The following CNTNAP4 variants were observed in gnomAD, a reference collection of about 807,000 sequenced individuals.
The protein encoded by CNTNAP4 is contactin-associated protein-like 4.
Under a neutral mutation model 148.4 loss-of-function variants are expected in CNTNAP4, and 98 were observed. The ratio of observed to expected loss-of-function variants is 0.66; its 90% CI spans 0.56 to 0.78. The LOEUF (loss-of-function observed/expected upper bound fraction) is 0.78. CNTNAP4 is among the 30% of genes least tolerant of loss of function. The pLI, the probability that CNTNAP4 is intolerant of heterozygous loss-of-function variation, is 0.00. For missense variants in CNTNAP4, 1,935 were observed against 1,565.6 expected (o/e 1.24, Z -3.98); for synonymous variants, 730 against 565.1 (o/e 1.29, Z -4.14).
chr16:76,498,104 G>A (rs1381567468), intron 14 of CNTNAP4, among the ~76,000 whole-genome samples: 1 of 152,052 alleles, frequency 6.6e-6, no homozygotes, highest in Admixed American at 6.5e-5. Context: ...ATGTCATTAT[G>A]TTTTGGCCAG....
intron 23 of CNTNAP4, among the ~76,000 whole-genome samples, chr16:76,555,187 A>C (rs2085142405): frequency 6.6e-6 from 1 of 152,090 alleles, no homozygotes; most frequent in Admixed American, 6.5e-5. Flanking sequence ...TATTGCTTTC[A>C]AGTAGTTAGG....
intron 10 of CNTNAP4, among the ~76,000 whole-genome samples, chr16:76,470,989 C>G (rs560612550): frequency 1.3e-5 from 2 of 152,226 alleles, no homozygotes; most frequent in East Asian, 1.9e-4. Context: ...TTAATCCTTA[C>G]TCATGCACAC....
intron 4 of CNTNAP4, among the ~76,000 whole-genome samples, chr16:76,440,128 G>C (rs969542486): frequency 6.6e-6 from 1 of 152,216 alleles, no homozygotes; most frequent in African/African-American, 2.4e-5. Context: ...ACTAAGAAGA[G>C]TTTGGTCTAT....
At chr16:76,454,814 T>A (rs1255360359) in intron 8 of CNTNAP4, among the ~76,000 whole-genome samples, 1 of 152,218 alleles carries the variant, frequency 6.6e-6, no homozygotes, top group African/African-American at 2.4e-5. Flanking sequence ...ATTGATGGAT[T>A]GCTATCACAT....
chr16:76,318,596 T>G (rs1317331084), intron 2 of CNTNAP4, among the ~76,000 whole-genome samples: 1 of 151,740 alleles, frequency 6.6e-6, no homozygotes. Context: ...GTTAATTACA[T>G]GAAGTTTTCA....
chr16:76,374,169 A>G (rs1400460046), intron 3 of CNTNAP4, among the ~76,000 whole-genome samples: 3 of 152,176 alleles, frequency 2.0e-5, no homozygotes, highest in African/African-American at 7.2e-5. Flanking sequence ...TTTTTCAGTA[A>G]GTGAGAGAGG....
intron 1 of CNTNAP4, among the ~76,000 whole-genome samples, chr16:76,315,698 G>A (rs1236037922): frequency 3.9e-5 from 6 of 152,016 alleles, no homozygotes; most frequent in African/African-American, 9.7e-5. Context: ...AGGTTAAAGC[G>A]ATTCTCCTGC....
chr16:76,421,377 A>C (rs1460381650), intron 3 of CNTNAP4, among the ~76,000 whole-genome samples: 11 of 152,186 alleles, frequency 7.2e-5, no homozygotes, highest in Admixed American at 6.6e-4. Context: ...TGATTAGTGG[A>C]TTCTCATTGC....
At chr16:76,350,090 T>A (rs1253314144) in intron 2 of CNTNAP4, among the ~76,000 whole-genome samples, 2 of 152,102 alleles carry the variant, frequency 1.3e-5, no homozygotes, top group African/African-American at 4.8e-5. Flanking sequence ...TAAACATGAT[T>A]CAGCCAGCCA....
chr16:76,491,501 T>C (rs2082219973), intron 13 of CNTNAP4, among the ~76,000 whole-genome samples: 1 of 152,254 alleles, frequency 6.6e-6, no homozygotes, highest in Non-Finnish European at 1.5e-5. Context: ...GTGCATGGCA[T>C]GAGCCCCCCT....
intron 3 of CNTNAP4, among the ~76,000 whole-genome samples, chr16:76,381,518 T>G (rs920006396): frequency 6.6e-6 from 1 of 152,202 alleles, no homozygotes; most frequent in African/African-American, 2.4e-5. Context: ...TGTCTAGGAC[T>G]CAGCTTCTAC....
At chr16:76,460,893 C>T (rs2080935664) in intron 8 of CNTNAP4, among the ~76,000 whole-genome samples, 2 of 148,496 alleles carry the variant, frequency 1.3e-5, no homozygotes, top group African/African-American at 2.5e-5. Context: ...AATACTGAAC[C>T]TTTGCTCCTG....
intron 15 of CNTNAP4, among the ~76,000 whole-genome samples, chr16:76,504,980 G>A (rs930970847): frequency 6.6e-6 from 1 of 152,050 alleles, no homozygotes; most frequent in Non-Finnish European, 1.5e-5. Flanking sequence ...GTGCTAGTAA[G>A]GATTTAGAGC....
chr16:76,357,844 T>C (rs750783435), intron 3 of CNTNAP4, among the ~76,000 whole-genome samples: 4 of 152,192 alleles, frequency 2.6e-5, no homozygotes, highest in Non-Finnish European at 4.4e-5. Context: ...TCCCTATAGA[T>C]ATTGAACTTC....
chr16:76,334,491 T>G (rs1462091776), intron 2 of CNTNAP4, among the ~76,000 whole-genome samples: 1 of 152,116 alleles, frequency 6.6e-6, no homozygotes, highest in Non-Finnish European at 1.5e-5. Flanking sequence ...AGAATGAACC[T>G]TACAAGACTT....
At chr16:76,295,067 C>G (rs922539254) in intron 1 of CNTNAP4, among the ~76,000 whole-genome samples, 3 of 152,144 alleles carry the variant, frequency 2.0e-5, no homozygotes, top group African/African-American at 7.2e-5. Flanking sequence ...TTGCCACTTC[C>G]TGGTCCTGTA....
chr16:76,533,653 A>T (rs756497250), intron 17 of CNTNAP4, among the ~76,000 whole-genome samples: 1 of 147,328 alleles, frequency 6.8e-6, no homozygotes, highest in Non-Finnish European at 1.5e-5. Context: ...AAACAACTCA[A>T]TTGGGCACCC....
At chr16:76,449,645 G>C (rs2080379493) in intron 6 of CNTNAP4, 70 bp from the exon 7 acceptor site, 7 of 1,297,642 alleles carry the variant, frequency 5.4e-6, no homozygotes, top group African/African-American at 1.5e-5. Context: ...AGCTATACTT[G>C]CTAATCATAA....
At chr16:76,353,879 G>C (rs1409671733) in intron 2 of CNTNAP4, among the ~76,000 whole-genome samples, 3 of 152,170 alleles carry the variant, frequency 2.0e-5, no homozygotes, top group Admixed American at 6.5e-5. Context: ...TGTGCCTTCA[G>C]GTCCTACAAT....
Sources: gnomAD v4.1 joint callset for allele counts (sites outside exome capture counted in the v4.1 genomes callset) on GRCh38, gnomAD v4.1.1 for gene constraint, MANE v1.5 for transcripts, NCBI Gene and HGNC (gene_info 2026-07-23, HGNC 2026-07-21) for gene names.